The following HRH1 variants were observed in gnomAD, a reference collection of about 807,000 sequenced individuals.
HRH1 encodes histamine receptor H1.
Under a neutral mutation model 10.3 loss-of-function variants are expected in HRH1, and 6 were observed. The ratio of observed to expected loss-of-function variants is 0.58; its 90% CI spans 0.32 to 1.15. The LOEUF (loss-of-function observed/expected upper bound fraction) is 1.15. HRH1 is among the 50% of genes most tolerant of loss of function. The pLI is 0.05. For synonymous variants in HRH1, 242 were observed against 236.7 expected (o/e 1.02, Z -0.21); for missense variants, 514 against 615.3 (o/e 0.84, Z 1.74).
chr3:11,201,363 A>C (rs1194986945), intron 1 of HRH1, among the ~76,000 whole-genome samples: 1 of 152,222 alleles, frequency 6.6e-6, no homozygotes, highest in Non-Finnish European at 1.5e-5. Flanking sequence ...CAGCATGTGC[A>C]CAAGCTCCAA....
intron 1 of HRH1, among the ~76,000 whole-genome samples, chr3:11,179,610 ACT>A (rs112711683): frequency 1.6e-3 from 238 of 146,600 alleles, no homozygotes; most frequent in Middle Eastern, 7.1e-3. Context: ...ACAGAGCAAG[ACT>A]CTGTCTCAAA....
intron 1 of HRH1, among the ~76,000 whole-genome samples, chr3:11,182,520 A>G (rs1343329640): frequency 6.6e-6 from 1 of 152,158 alleles, no homozygotes; most frequent in Non-Finnish European, 1.5e-5. Flanking sequence ...TATCCATTTC[A>G]TGGATGAAGG....
At chr3:11,207,439 G>T (rs1405974776) in intron 1 of HRH1, among the ~76,000 whole-genome samples, 1 of 151,988 alleles carries the variant, frequency 6.6e-6, no homozygotes, top group Non-Finnish European at 1.5e-5. Context: ...GTGTGGTGGC[G>T]GCGCCTGTAG....
intron 1 of HRH1, among the ~76,000 whole-genome samples, chr3:11,178,774 A>G (rs1937293680): frequency 6.6e-6 from 1 of 151,648 alleles, no homozygotes; most frequent in South Asian, 2.1e-4. Context: ...TTTCTCCGAG[A>G]GCCCTTCCTT....
At chr3:11,252,819 A>G (rs980817315) in intron 1 of HRH1, 5 of 152,148 alleles carry the variant, frequency 3.3e-5, no homozygotes, top group African/African-American at 1.2e-4. Flanking sequence ...CTTTCTCTTT[A>G]CTACTTCCCC....
chr3:11,221,432 G>A (rs1438264627), intron 1 of HRH1, among the ~76,000 whole-genome samples: 1 of 151,840 alleles, frequency 6.6e-6, no homozygotes, highest in Non-Finnish European at 1.5e-5. Context: ...GCATGCACCT[G>A]TAATCCCAGC....
chr3:11,169,165 C>T (rs1324892569), intron 1 of HRH1, among the ~76,000 whole-genome samples: 1 of 152,222 alleles, frequency 6.6e-6, no homozygotes, highest in East Asian at 1.9e-4. Flanking sequence ...TCCCTTCTCT[C>T]TGTGCCTCAG....
intron 1 of HRH1, among the ~76,000 whole-genome samples, chr3:11,257,504 G>C (rs2067472): frequency 0.22 from 32,968 of 151,110 alleles, 4,204 homozygotes; most frequent in South Asian, 0.35. Context: ...AGATTGTAGT[G>C]AGCCAAGATG....
chr3:11,234,203 G>T, intron 1 of HRH1: 2 of 1,184,252 alleles, frequency 1.7e-6, no homozygotes, highest in Admixed American at 2.4e-5. Flanking sequence ...AAGGTCTTTT[G>T]CAAAAGGTCC....
At position 11,191,627 on chromosome 3, in the gene HRH1, A is replaced by G. The variant is rs183862144; in HGVS notation, c.-36+37073A>G. Reference sequence around the variant, plus strand: ...CTACGGGAAAGATAGTCAGTGCCAAAGTCCCCAGAACCTGGGGGCCAGCAT... The same window carrying G: ...CTACGGGAAAGATAGTCAGTGCCAAGGTCCCCAGAACCTGGGGGCCAGCAT... On this transcript the variant is annotated intron_variant, in intron 1 of 1. Transcript: ENST00000431010. 1.6e-4 allele frequency among the ~76,000 whole-genome samples: 25 copies of G among 152,316 alleles called. No individual in the cohort carries two copies. In the East Asian group the frequency reaches 4.6e-3, roughly 28 times the overall value.
intron 1 of HRH1, among the ~76,000 whole-genome samples, chr3:11,196,052 T>C (rs1937638603): frequency 6.6e-6 from 1 of 152,208 alleles, no homozygotes; most frequent in Non-Finnish European, 1.5e-5. Flanking sequence ...GCCAAGTCCA[T>C]TCTCTTTCCT....
chr3:11,166,803 C>T (rs960047545), intron 1 of HRH1, among the ~76,000 whole-genome samples: 1 of 145,748 alleles, frequency 6.9e-6, no homozygotes, highest in East Asian at 2.0e-4. Flanking sequence ...TCTCCTGTCC[C>T]CTGGCTTCTC....
chr3:11,172,198 G>A (rs1334261925), intron 1 of HRH1, among the ~76,000 whole-genome samples: 4 of 152,224 alleles, frequency 2.6e-5, no homozygotes, highest in African/African-American at 7.2e-5. Context: ...GGAGTGTCAG[G>A]TTCAATGTTG....
upstream of HRH1, among the ~76,000 whole-genome samples, chr3:11,150,303 G>A (rs1285820388): frequency 2.0e-5 from 3 of 152,248 alleles, no homozygotes; most frequent in East Asian, 1.9e-4. Context: ...GGCCACTTTG[G>A]TCCTGAAGGA....
Position 11,259,398 on chromosome 3 carries a change from C to T in HRH1, c.361C>T (p.Leu121=). ...AGCGTCCATTTTCAGTGTCTTCATC[C>T]TGTGCATTGATCGCTACCGCTCTGT... ...STASIFSVFI[L]CIDRYRSVQQ... The change falls in exon 2 of 2, where the codon CTG becomes TTG. Residue 121 remains leucine (L), a synonymous_variant. Coordinates refer to ENST00000431010, the MANE Select transcript of HRH1 (RefSeq NM_001098212.2). The surrounding 1 kb of genome is among the most constrained non-coding windows in gnomAD (Gnocchi z 4.6). 6.2e-7 allele frequency: 1 copy of T among 1,614,026 alleles called. No individual in the cohort carries two copies. The highest frequency in any genetic ancestry group is 8.5e-7 in the Non-Finnish European group (1 of 1,179,996).
rs201560218 is a variant in HRH1, at chr3:11,177,253, T to TTAAATAAA, written c.-36+22724_-36+22731dup. On this transcript the variant is annotated intron_variant, in intron 1 of 1. Transcript: ENST00000431010. The stretch of plus-strand genomic sequence containing the variant: ...AGACCCTATCTCTAAAATAAATAAA[T>TTAAATAAA]TAAATAAATAAATAAATAAATAAAT... Among the ~76,000 whole-genome samples, 1,286 of 149,420 alleles carry TTAAATAAA rather than the reference T, an allele frequency of 8.6e-3. 17 individuals are homozygous for TTAAATAAA. The highest frequency in any genetic ancestry group is 0.027 in the African/African-American group (1,068 of 39,924).
At chr3:11,150,506 G>A (rs888102485), upstream of HRH1, among the ~76,000 whole-genome samples, 3 of 152,248 alleles carry the variant, frequency 2.0e-5, no homozygotes, top group East Asian at 3.8e-4. Flanking sequence ...GGACATCTCC[G>A]TCCACAGCTT....
chr3:11,246,634 T>A (rs1939497666), intron 1 of HRH1, among the ~76,000 whole-genome samples: 1 of 152,264 alleles, frequency 6.6e-6, no homozygotes, highest in African/African-American at 2.4e-5. Context: ...CAGACATTGT[T>A]AGATTTCACC....
At chr3:11,195,449 G>A (rs1426237423) in intron 1 of HRH1, among the ~76,000 whole-genome samples, 1 of 152,172 alleles carries the variant, frequency 6.6e-6, no homozygotes, top group Non-Finnish European at 1.5e-5. Context: ...TATCTGCCAT[G>A]TGGTTCCTCA....
Sources: allele counts gnomAD v4.1 joint callset (sites outside exome capture counted in the v4.1 genomes callset), GRCh38; gene constraint gnomAD v4.1.1; non-coding constraint Gnocchi (gnomAD v3.1); transcripts MANE v1.5; gene names NCBI Gene and HGNC (gene_info 2026-07-23, HGNC 2026-07-21).